PDE1A: variants seen among roughly 807,000 people sequenced by gnomAD.
PDE1A encodes dual specificity calcium/calmodulin-dependent 3',5'-cyclic nucleotide phosphodiesterase 1A.
A neutral mutation model predicts 61.7 loss-of-function variants in PDE1A; 35 were observed. The ratio of observed to expected loss-of-function variants is 0.57; its 90% CI spans 0.43 to 0.75. The LOEUF (loss-of-function observed/expected upper bound fraction) is 0.75. PDE1A is among the 30% of genes least tolerant of loss of function. The pLI, the probability that PDE1A is intolerant of heterozygous loss-of-function variation, is 0.00. For missense variants in PDE1A, 597 were observed against 630.6 expected (o/e 0.95, Z 0.57); for synonymous variants, 232 against 213.2 (o/e 1.09, Z -0.77).
At chr2:182,657,490 T>C in the PDE1A span, among the ~76,000 whole-genome samples, 3 of 152,098 alleles carry the variant, frequency 2.0e-5, no homozygotes, top group Non-Finnish European at 4.4e-5. Flanking sequence ...AAATCCTAAG[T>C]GGGCAGGATT....
the PDE1A span, among the ~76,000 whole-genome samples, chr2:182,653,059 C>T: frequency 6.6e-6 from 1 of 152,184 alleles, no homozygotes; most frequent in Non-Finnish European, 1.5e-5. Flanking sequence ...CAGGAATATA[C>T]TTCTTTTTTG....
intron 1 of PDE1A, among the ~76,000 whole-genome samples, chr2:182,332,117 A>T (rs1053590499): frequency 2.4e-4 from 36 of 152,132 alleles, no homozygotes; most frequent in African/African-American, 8.7e-4. Context: ...AATCTATGAT[A>T]TCCTTTCTTC....
chr2:182,458,367 G>A (rs1044191896), intron 2 of PDE1A, among the ~76,000 whole-genome samples: 5 of 152,068 alleles, frequency 3.3e-5, no homozygotes, highest in African/African-American at 9.7e-5. Context: ...ACTGCCATGT[G>A]CTTTTGAAAA....
At chr2:182,357,908 T>G (rs895583779) in intron 1 of PDE1A, among the ~76,000 whole-genome samples, 4 of 152,170 alleles carry the variant, frequency 2.6e-5, no homozygotes, top group African/African-American at 9.6e-5. Flanking sequence ...TATGTTAGAT[T>G]TATAAGCAGT....
intron 1 of PDE1A, among the ~76,000 whole-genome samples, chr2:182,374,311 C>T (rs188917283): frequency 2.0e-5 from 3 of 152,014 alleles, no homozygotes; most frequent in African/African-American, 4.8e-5. Context: ...CACCTCACAC[C>T]ATAGATAAGA....
At chr2:182,595,517 A>C in the PDE1A span, among the ~76,000 whole-genome samples, 1 of 152,272 alleles carries the variant, frequency 6.6e-6, no homozygotes, top group African/African-American at 2.4e-5. Context: ...AAATAGGTCA[A>C]GGCTGAAAAT....
the PDE1A span, among the ~76,000 whole-genome samples, chr2:182,665,786 A>G: frequency 1.3e-5 from 2 of 152,222 alleles, no homozygotes; most frequent in East Asian, 3.8e-4. Context: ...TTGCAGCACT[A>G]TTTACAATAG....
At chr2:182,433,633 C>T (rs939979745) in intron 2 of PDE1A, among the ~76,000 whole-genome samples, 4 of 152,088 alleles carry the variant, frequency 2.6e-5, no homozygotes, top group African/African-American at 9.7e-5. Context: ...TCTGGTCATA[C>T]ACATCAAAAT....
At chr2:182,290,452 A>C (rs574530259) in intron 1 of PDE1A, among the ~76,000 whole-genome samples, 1 of 152,252 alleles carries the variant, frequency 6.6e-6, no homozygotes, top group Non-Finnish European at 1.5e-5. Context: ...GGATAAAATG[A>C]AAAACACAAG....
intron 1 of PDE1A, among the ~76,000 whole-genome samples, chr2:182,419,332 TTTTC>T (rs1175409619): frequency 2.1e-4 from 32 of 149,986 alleles, no homozygotes; most frequent in African/African-American, 7.8e-4. Flanking sequence ...TCTTTTTTTC[TTTTC>T]TTTTTTTTTT....
intron 1 of PDE1A, among the ~76,000 whole-genome samples, chr2:182,302,648 A>G (rs537269777): frequency 7.9e-5 from 12 of 152,140 alleles, no homozygotes; most frequent in Non-Finnish European, 1.5e-4. Flanking sequence ...ATAAGGCAAC[A>G]ATCAAGTTTG....
intron 2 of PDE1A, among the ~76,000 whole-genome samples, chr2:182,446,563 T>C (rs1316743998): frequency 6.6e-6 from 1 of 152,158 alleles, no homozygotes; most frequent in Non-Finnish European, 1.5e-5. Context: ...GATATCTATT[T>C]GCTTTGAAGC....
chr2:182,601,516 C>T, the PDE1A span, among the ~76,000 whole-genome samples: 1 of 152,224 alleles, frequency 6.6e-6, no homozygotes, highest in Non-Finnish European at 1.5e-5. Context: ...TGTTACAGAT[C>T]TTCTAGACTT....
intron 2 of PDE1A, among the ~76,000 whole-genome samples, chr2:182,257,558 T>C (rs902862294): frequency 6.6e-6 from 1 of 152,220 alleles, no homozygotes; most frequent in African/African-American, 2.4e-5. Context: ...CAAGCTTGTC[T>C]TCACCATGAG....
chr2:182,676,875 T>TA, the PDE1A span, among the ~76,000 whole-genome samples: 12 of 152,302 alleles, frequency 7.9e-5, no homozygotes, highest in South Asian at 2.5e-3. Flanking sequence ...CCATTCATGT[T>TA]AAAAACTTTC....
At chr2:182,527,326 AAATAT>A (rs1690790885), upstream of PDE1A, among the ~76,000 whole-genome samples, 1 of 21,718 alleles carries the variant, frequency 4.6e-5, no homozygotes, top group Non-Finnish European at 8.3e-5. Flanking sequence ...AAAAAAAAAA[AAATAT>A]ATATATATAT....
chr2:182,185,203 C>T (rs1393526714), intron 13 of PDE1A, among the ~76,000 whole-genome samples: 1 of 152,032 alleles, frequency 6.6e-6, no homozygotes. Flanking sequence ...GGCCATTGTG[C>T]AGGGAGTGTA....
At chr2:182,317,390 AAATAT>A (rs1434206337) in intron 1 of PDE1A, among the ~76,000 whole-genome samples, 1 of 152,144 alleles carries the variant, frequency 6.6e-6, no homozygotes, top group African/African-American at 2.4e-5. Context: ...TTACATTAAC[AAATAT>A]ATGTTGAACA....
chr2:182,540,817 T>C, the PDE1A span, among the ~76,000 whole-genome samples: 1 of 152,152 alleles, frequency 6.6e-6, no homozygotes, highest in East Asian at 1.9e-4. Context: ...TTAATTCACA[T>C]TGACACAAAT....
Sources: gnomAD v4.1 joint callset for allele counts (sites outside exome capture counted in the v4.1 genomes callset) on GRCh38, gnomAD v4.1.1 for gene constraint, MANE v1.5 for transcripts, NCBI Gene and HGNC (gene_info 2026-07-23, HGNC 2026-07-21) for gene names.